The following PRKN variants were observed in gnomAD, a reference collection of about 807,000 sequenced individuals.
PRKN encodes the protein parkin RBR E3 ubiquitin protein ligase, also known as E3 ubiquitin-protein ligase parkin.
A neutral mutation model predicts 59.5 loss-of-function variants in PRKN; 56 were observed. The ratio of observed to expected loss-of-function variants is 0.94; its 90% confidence interval spans 0.76 to 1.18. The LOEUF (loss-of-function observed/expected upper bound fraction) is 1.18. Ranked by LOEUF, PRKN falls within the 50% of genes most tolerant of loss-of-function variation. The pLI, the probability that PRKN is intolerant of heterozygous loss-of-function variation, is 0.00. For missense variants in PRKN, 657 were observed against 596.4 expected, an observed-to-expected ratio of 1.10 and a Z score of -1.06; for synonymous variants, 250 against 222.1, an observed-to-expected ratio of 1.13 and a Z score of -1.12.
chr6:162,260,627 A>G (rs1435028419), intron 3 of PRKN, among the ~76,000 whole-genome samples: 1 of 152,192 alleles, frequency 6.6e-6, no homozygotes, highest in Non-Finnish European at 1.5e-5. Flanking sequence ...TTTATGATAA[A>G]ACAAAATAAG....
At chr6:161,748,628 G>A (rs1279810156) in intron 7 of PRKN, among the ~76,000 whole-genome samples, 1 of 152,074 alleles carries the variant, frequency 6.6e-6, no homozygotes, top group Non-Finnish European at 1.5e-5. Flanking sequence ...CCAGGCAAGG[G>A]GCACTTGTCG....
intron 4 of PRKN, among the ~76,000 whole-genome samples, chr6:162,108,492 CCA>C (rs370198941): frequency 1.0e-3 from 159 of 152,282 alleles, no homozygotes; most frequent in African/African-American, 3.7e-3. Context: ...TTCCTACCAA[CCA>C]CCATGAAAAC....
At chr6:161,630,695 T>TGTC (rs1425941620) in intron 7 of PRKN, among the ~76,000 whole-genome samples, 3 of 152,134 alleles carry the variant, frequency 2.0e-5, no homozygotes, top group Admixed American at 2.0e-4. Context: ...GGTTTTCTCT[T>TGTC]GTCATCATCA....
At chr6:162,122,266 C>G (rs1780946156) in intron 4 of PRKN, among the ~76,000 whole-genome samples, 1 of 152,158 alleles carries the variant, frequency 6.6e-6, no homozygotes, top group Non-Finnish European at 1.5e-5. Flanking sequence ...CAAGGCTGAT[C>G]TGCTACCAAC....
intron 3 of PRKN, among the ~76,000 whole-genome samples, chr6:162,225,558 G>T (rs1355124956): frequency 1.3e-5 from 2 of 152,046 alleles, no homozygotes; most frequent in Non-Finnish European, 2.9e-5. Context: ...CACTGATGTG[G>T]CCAAAGAGAC....
At chr6:161,680,726 C>CATATATATATATAT (rs56954052) in intron 7 of PRKN, among the ~76,000 whole-genome samples, 6 of 51,024 alleles carry the variant, frequency 1.2e-4, no homozygotes, top group Admixed American at 3.4e-4. Flanking sequence ...TCCTGAAATA[C>CATATATATATATAT]ATATATATAT....
At chr6:162,320,287 C>A (rs2128121338) in intron 2 of PRKN, among the ~76,000 whole-genome samples, 1 of 137,214 alleles carries the variant, frequency 7.3e-6, no homozygotes, top group East Asian at 2.3e-4. Flanking sequence ...CAGGTATCTT[C>A]TTGATGTAAT....
At chr6:162,545,817 T>C (rs1779095103) in intron 1 of PRKN, among the ~76,000 whole-genome samples, 1 of 152,024 alleles carries the variant, frequency 6.6e-6, no homozygotes, top group Admixed American at 6.6e-5. Flanking sequence ...GTCTAAAAAT[T>C]TTCTCCTCCG....
intron 4 of PRKN, among the ~76,000 whole-genome samples, chr6:162,144,754 G>A (rs186783743): frequency 6.6e-6 from 1 of 152,300 alleles, no homozygotes; most frequent in Admixed American, 6.5e-5. Context: ...AAAGCAAACA[G>A]CTTGCTTGGG....
At chr6:161,889,517 C>A (rs1311541638) in intron 6 of PRKN, among the ~76,000 whole-genome samples, 3 of 152,218 alleles carry the variant, frequency 2.0e-5, no homozygotes, top group Non-Finnish European at 4.4e-5. Flanking sequence ...TGGTTCCATT[C>A]ATCCAGCATT....
intron 7 of PRKN, chr6:161,716,130 T>A (rs1181172193): frequency 1.5e-6 from 2 of 1,343,364 alleles, no homozygotes; most frequent in Non-Finnish European, 2.0e-6. Flanking sequence ...TGTCTCCAGT[T>A]CCTGGTCAAA....
chr6:162,709,085 T>C (rs1282951208), intron 1 of PRKN, among the ~76,000 whole-genome samples: 2 of 152,126 alleles, frequency 1.3e-5, no homozygotes, highest in African/African-American at 4.8e-5. Flanking sequence ...GATCTGTCAC[T>C]GTCTCCCATC....
intron 5 of PRKN, among the ~76,000 whole-genome samples, chr6:161,978,623 A>G (rs1430686888): frequency 6.6e-6 from 1 of 152,256 alleles, no homozygotes; most frequent in Non-Finnish European, 1.5e-5. Context: ...TAAAAAAGTC[A>G]AAGACAGGAA....
chr6:161,733,811 T>TAC (rs1787848244), intron 7 of PRKN, among the ~76,000 whole-genome samples: 1 of 139,476 alleles, frequency 7.2e-6, no homozygotes, highest in Non-Finnish European at 1.5e-5. Context: ...TATATATATA[T>TAC]ATATATATAT....
At chr6:162,465,200 C>G (rs77148667) in intron 1 of PRKN, among the ~76,000 whole-genome samples, 2 of 152,134 alleles carry the variant, frequency 1.3e-5, no homozygotes, top group African/African-American at 4.8e-5. Flanking sequence ...CAACTCTGTC[C>G]AAGCTTGCAT....
intron 3 of PRKN, among the ~76,000 whole-genome samples, chr6:162,255,879 A>G (rs915790737): frequency 6.6e-6 from 1 of 152,326 alleles, no homozygotes; most frequent in African/African-American, 2.4e-5. Flanking sequence ...ATTTTCATTT[A>G]ATCCACTGAA....
chr6:162,189,205 G>A (rs1278737288), intron 4 of PRKN, among the ~76,000 whole-genome samples: 4 of 151,476 alleles, frequency 2.6e-5, no homozygotes, highest in Admixed American at 6.6e-5. Context: ...CTATAGGAGG[G>A]AATTGAGATT....
At chr6:162,323,227 T>TAA (rs563333741) in intron 2 of PRKN, among the ~76,000 whole-genome samples, 1 of 145,584 alleles carries the variant, frequency 6.9e-6, no homozygotes, top group African/African-American at 2.5e-5. Flanking sequence ...TAAAGTATAA[T>TAA]AAAAAAAAAA....
chr6:161,874,180 T>A lies in PRKN; in HGVS notation c.735-88272A>T, dbSNP rs796938927. Among the ~76,000 whole-genome samples the A allele has an allele frequency of 3.1e-3, 108 of 35,112 alleles. 7 individuals are homozygous for A. The highest frequency in any genetic ancestry group is 3.9e-3 in the Non-Finnish European group (87 of 22,040). 23.0% of individuals were successfully genotyped at this position (35,112 alleles called of 152,430 possible). On this transcript the variant is annotated intron_variant, in intron 6 of 11. Transcript: ENST00000366898. The stretch of plus-strand genomic sequence containing the variant: ...ATTATATATAATATATAATATATAT[T>A]ATATATAATATATAATATATATTAT...
Sources: allele counts gnomAD v4.1 joint callset (sites outside exome capture counted in the v4.1 genomes callset), GRCh38; gene constraint gnomAD v4.1.1; transcripts MANE v1.5; gene names NCBI Gene and HGNC (gene_info 2026-07-23, HGNC 2026-07-21).